Variants in GPM6B observed in about 807,000 individuals in gnomAD.
GPM6B encodes the protein glycoprotein M6B, also known as neuronal membrane glycoprotein M6-b.
In GPM6B, 4 loss-of-function variants were observed where a neutral mutation model predicts 27.2. The observed-to-expected ratio is 0.15, with a 90% confidence interval of 0.07 to 0.34. GPM6B has a LOEUF of 0.34. GPM6B is among the 10% of genes least tolerant of loss of function. GPM6B has a pLI of 1.00. For synonymous variants in GPM6B, 124 were observed against 103.1 expected (o/e 1.20, Z -1.23); for missense variants, 183 against 261.9 (o/e 0.70, Z 2.08).
At chrX:13,774,267 A>G in intron 7 of GPM6B, 3 of 845,586 alleles carry the variant, frequency 3.5e-6, no homozygotes, top group Non-Finnish European at 4.3e-6. Context: ...ACTGCTCTCT[A>G]ATGTTTAAGT....
chrX:13,857,840 C>T (rs2049798980), intron 1 of GPM6B, among the ~76,000 whole-genome samples: 1 of 112,730 alleles, frequency 8.9e-6, no homozygotes, highest in African/African-American at 3.2e-5. Flanking sequence ...GAAGTTTGCA[C>T]TTCAATGAGG....
intron 1 of GPM6B, among the ~76,000 whole-genome samples, chrX:13,829,859 ATTTTTTTT>A (rs34742721): frequency 2.3e-5 from 2 of 88,477 alleles, no homozygotes; most frequent in Non-Finnish European, 4.5e-5. Flanking sequence ...TCTGTCCTGA[ATTTTTTTT>A]TTTTTTTTTT....
chrX:13,884,054 G>A (rs2050111037), intron 1 of GPM6B, among the ~76,000 whole-genome samples: 1 of 110,802 alleles, frequency 9.0e-6, no homozygotes, highest in Non-Finnish European at 1.9e-5. Flanking sequence ...GCACACGCCT[G>A]TAATCCCAGC....
intron 1 of GPM6B, among the ~76,000 whole-genome samples, chrX:13,832,068 T>C (rs1157404714): frequency 9.0e-5 from 10 of 111,331 alleles, no homozygotes; most frequent in African/African-American, 3.3e-4. Context: ...AACAATATAT[T>C]TATGTACTTT....
chrX:13,922,235 T>C (rs1465562347), intron 1 of GPM6B, among the ~76,000 whole-genome samples: 1 of 111,213 alleles, frequency 9.0e-6, no homozygotes, highest in Non-Finnish European at 1.9e-5. Flanking sequence ...GGCTGTCCTG[T>C]GCACTATAGG....
intron 1 of GPM6B, among the ~76,000 whole-genome samples, chrX:13,843,807 G>A (rs954906333): frequency 5.4e-5 from 6 of 111,844 alleles, no homozygotes; most frequent in Non-Finnish European, 1.1e-4. Context: ...TATTCTGGAT[G>A]CAAGTCTCTT....
At position 13,904,741 on chromosome X, in the gene GPM6B, C is replaced by A. The variant is rs191220579; in HGVS notation, c.-198+33586G>T. On this transcript the variant is annotated intron_variant, in intron 1 of 6. Transcript: ENST00000398361. Reference sequence around the variant, plus strand: ...CCTCTGGGACCAGCTGGGGCTCAGGCCTGACACTCTCGGGGTATGTGTCCT... The same window carrying A: ...CCTCTGGGACCAGCTGGGGCTCAGGACTGACACTCTCGGGGTATGTGTCCT... Among the ~76,000 whole-genome samples, 32 of 110,608 alleles carry A rather than the reference C, an allele frequency of 2.9e-4. No homozygotes were observed. In the East Asian group the frequency reaches 8.5e-3, roughly 29 times the overall value.
chrX:13,793,963 C>T (rs1373216445), intron 2 of GPM6B, among the ~76,000 whole-genome samples: 1 of 111,837 alleles, frequency 8.9e-6, no homozygotes, highest in African/African-American at 3.3e-5. Flanking sequence ...TATTAAAAAA[C>T]CTATTTTGTG....
chrX:13,905,490 G>C (rs2050322091), intron 1 of GPM6B, among the ~76,000 whole-genome samples: 1 of 110,995 alleles, frequency 9.0e-6, no homozygotes, highest in South Asian at 3.8e-4. Flanking sequence ...ACTCGCCCGT[G>C]GTGCTAAGAA....
intron 1 of GPM6B, among the ~76,000 whole-genome samples, chrX:13,934,088 G>A (rs1393886745): frequency 9.0e-6 from 1 of 110,978 alleles, no homozygotes; most frequent in African/African-American, 3.3e-5. Context: ...AAGCCAGGTG[G>A]TTTGGTCAAC....
intron 2 of GPM6B, among the ~76,000 whole-genome samples, chrX:13,786,182 T>A (rs1161479646): frequency 8.9e-6 from 1 of 111,970 alleles, no homozygotes; most frequent in Non-Finnish European, 1.9e-5. Flanking sequence ...ACTAACACAG[T>A]CAAAAGAGAG....
intron 1 of GPM6B, among the ~76,000 whole-genome samples, chrX:13,866,712 A>C (rs1422933458): frequency 8.9e-6 from 1 of 111,816 alleles, no homozygotes; most frequent in Non-Finnish European, 1.9e-5. Context: ...GAGTAGACGA[A>C]AAAAATCTAA....
intron 1 of GPM6B, among the ~76,000 whole-genome samples, chrX:13,910,960 A>T (rs1271101364): frequency 5.3e-5 from 6 of 112,385 alleles, no homozygotes; most frequent in Non-Finnish European, 1.1e-4. Context: ...GATGATATAC[A>T]TAATAGTTAA....
chrX:13,860,754 C>T (rs1489895171), intron 1 of GPM6B, among the ~76,000 whole-genome samples: 2 of 109,471 alleles, frequency 1.8e-5, no homozygotes, highest in East Asian at 5.7e-4. Context: ...TACACTGTAC[C>T]CAATGTGTAG....
At chrX:13,830,065 C>G (rs921157429) in intron 1 of GPM6B, among the ~76,000 whole-genome samples, 2 of 110,851 alleles carry the variant, frequency 1.8e-5, no homozygotes, top group African/African-American at 6.6e-5. Flanking sequence ...AAGTGAAGTC[C>G]AACGGGACCA....
At chrX:13,778,379 T>TC (rs891306275) in intron 5 of GPM6B, among the ~76,000 whole-genome samples, 7 of 112,273 alleles carry the variant, frequency 6.2e-5, no homozygotes, top group African/African-American at 2.3e-4. Context: ...AACACTACTG[T>TC]CCTTTACCCC....
intron 1 of GPM6B, among the ~76,000 whole-genome samples, chrX:13,823,238 C>T (rs1189924437): frequency 1.8e-5 from 2 of 112,265 alleles, no homozygotes; most frequent in African/African-American, 6.5e-5. Context: ...GGTAAAGCTA[C>T]GTGAACTATA....
chrX:13,912,896 G>A (rs1481710326), intron 1 of GPM6B, among the ~76,000 whole-genome samples: 3 of 112,057 alleles, frequency 2.7e-5, no homozygotes, highest in South Asian at 3.7e-4. Flanking sequence ...TTTTGTTTCC[G>A]TATCTTGGCC....
At chrX:13,852,090 A>C (rs1335542342) in intron 1 of GPM6B, among the ~76,000 whole-genome samples, 1 of 111,176 alleles carries the variant, frequency 9.0e-6, no homozygotes, top group Admixed American at 9.6e-5. Context: ...CAGGGTCATC[A>C]AACTTTTTTG....
Sources: allele counts gnomAD v4.1 joint callset (sites outside exome capture counted in the v4.1 genomes callset), GRCh38; gene constraint gnomAD v4.1.1; transcripts MANE v1.5; gene names NCBI Gene and HGNC (gene_info 2026-07-23, HGNC 2026-07-21).